The following DAB1 variants were observed in gnomAD, a reference collection of about 807,000 sequenced individuals.
DAB1 encodes DAB adaptor protein 1.
DAB1 carries 15 observed loss-of-function variants against 64.6 expected under a neutral mutation model. That is an observed-to-expected ratio of 0.23 (90% CI 0.16 to 0.36). The LOEUF is 0.36. Ranked by LOEUF, DAB1 falls within the 10% of genes least tolerant of loss-of-function variation. The pLI, the probability that DAB1 is intolerant of heterozygous loss-of-function variation, is 1.00. For missense variants in DAB1, 596 were observed against 706.7 expected, an observed-to-expected ratio of 0.84 and a Z score of 1.78; for synonymous variants, 235 against 251.9, an observed-to-expected ratio of 0.93 and a Z score of 0.64.
intron 1 of DAB1, among the ~76,000 whole-genome samples, chr1:57,325,241 A>G (rs1287090408): frequency 2.6e-5 from 4 of 152,170 alleles, no homozygotes. Context: ...CTCTGTACAC[A>G]TTTCTGAGCT....
At chr1:58,536,879 CAATT>C (rs1646526556) in intron 1 of DAB1, 6 of 569,614 alleles carry the variant, frequency 1.1e-5, no homozygotes, top group Non-Finnish European at 1.9e-5. Context: ...ATCGCTTTTC[CAATT>C]AATAAAATTC....
chr1:58,355,281 T>C (rs895789954), intron 3 of DAB1, among the ~76,000 whole-genome samples: 2 of 152,160 alleles, frequency 1.3e-5, no homozygotes, highest in African/African-American at 4.8e-5. Flanking sequence ...TGGCACAGCT[T>C]TGTTTCAGAG....
intron 1 of DAB1, chr1:57,876,326 T>C (rs1557531385): frequency 6.6e-6 from 1 of 152,046 alleles, no homozygotes; most frequent in East Asian, 1.9e-4. Context: ...CCCAGAAGGA[T>C]AAAAAAAGGA....
chr1:57,167,403 T>C (rs1344173925), intron 2 of DAB1, among the ~76,000 whole-genome samples: 7 of 152,166 alleles, frequency 4.6e-5, no homozygotes, highest in Non-Finnish European at 8.8e-5. Context: ...ACCCCTTGTA[T>C]GCTTCTACGA....
intron 3 of DAB1, among the ~76,000 whole-genome samples, chr1:58,479,048 C>T (rs1171614661): frequency 6.6e-6 from 1 of 152,070 alleles, no homozygotes; most frequent in Non-Finnish European, 1.5e-5. Flanking sequence ...TTTTCATATA[C>T]TATAAAGATA....
intron 1 of DAB1, among the ~76,000 whole-genome samples, chr1:57,331,584 A>G (rs768663443): frequency 1.3e-5 from 2 of 152,190 alleles, no homozygotes; most frequent in East Asian, 1.9e-4. Flanking sequence ...TTTGCCTTCT[A>G]TAGAGACTAG....
At chr1:57,326,525 G>A (rs948756181) in intron 1 of DAB1, among the ~76,000 whole-genome samples, 1 of 152,160 alleles carries the variant, frequency 6.6e-6, no homozygotes, top group Non-Finnish European at 1.5e-5. Context: ...CCAAGAGGAA[G>A]ACAGAGTAGG....
At chr1:57,270,789 C>T (rs1049592965) in intron 2 of DAB1, among the ~76,000 whole-genome samples, 5 of 152,188 alleles carry the variant, frequency 3.3e-5, no homozygotes, top group African/African-American at 1.2e-4. Flanking sequence ...TCCACCAATA[C>T]TCACTGAGCA....
chr1:58,125,945 G>T lies in DAB1; in HGVS notation n.387+24566C>A, dbSNP rs147610434. Among the ~76,000 whole-genome samples the T allele has an allele frequency of 2.5e-4, 38 of 152,178 alleles. 1 individual carries two copies. The East Asian group carries it at 7.2e-3, about 29-fold the overall frequency. ...AAACAACCTAAAATCTCTATGACAGGCCCCAGGAGGAAGGAGAAGGGGACA... is the reference window on the plus strand; with the variant it reads ...AAACAACCTAAAATCTCTATGACAGTCCCCAGGAGGAAGGAGAAGGGGACA... On this transcript the variant is annotated intron_variant and non_coding_transcript_variant, in intron 5 of 20. Transcript: ENST00000485760.
In DAB1 at chr1:57,456,485, T is replaced by A. The variant is rs566728776; in HGVS notation, n.626-165319A>T. On this transcript the variant is annotated intron_variant and non_coding_transcript_variant, in intron 7 of 20. Transcript: ENST00000485760. ...GCATAAAGTAAATTTAAAATAAAAA[T>A]GCTTGATAGATTTGCATTTATACTC... 5.9e-5 allele frequency among the ~76,000 whole-genome samples: 9 copies of A among 152,262 alleles called. No homozygotes were observed. The East Asian group carries it at 1.2e-3, about 20-fold the overall frequency.
chr1:57,710,952 G>T (rs938584831), intron 6 of DAB1, among the ~76,000 whole-genome samples: 1 of 152,128 alleles, frequency 6.6e-6, no homozygotes, highest in South Asian at 2.1e-4. Flanking sequence ...GGAGGCAGCT[G>T]CTCCAGTTGG....
At chr1:57,081,999 T>G (rs1324089669) in intron 4 of DAB1, among the ~76,000 whole-genome samples, 1 of 152,144 alleles carries the variant, frequency 6.6e-6, no homozygotes, top group Non-Finnish European at 1.5e-5. Context: ...AAATACATAC[T>G]CCTAGCACTG....
chr1:58,436,664 A>C (rs1175548784), intron 3 of DAB1, among the ~76,000 whole-genome samples: 1 of 152,240 alleles, frequency 6.6e-6, no homozygotes, highest in Non-Finnish European at 1.5e-5. Flanking sequence ...AAAAAGTAGA[A>C]ATACTAGGAA....
intron 1 of DAB1, chr1:58,538,895 T>G (rs1201666761): frequency 1.1e-6 from 1 of 872,884 alleles, no homozygotes. Context: ...TGGAAATTCC[T>G]AATAGCTCTT....
At chr1:57,771,339 T>C (rs1649552687) in intron 6 of DAB1, among the ~76,000 whole-genome samples, 1 of 152,122 alleles carries the variant, frequency 6.6e-6, no homozygotes, top group African/African-American at 2.4e-5. Context: ...TGAAATAGAA[T>C]AATTAGCAAC....
Position 57,354,396 on chromosome 1 carries a change from CTTTTT to C in DAB1, c.-136-63235_-136-63231del, listed in dbSNP as rs570859394. On this transcript the variant is annotated intron_variant, in intron 1 of 14. Coordinates refer to ENST00000371236, the MANE Select transcript of DAB1 (RefSeq NM_001365792.1). ...AAAGACTTTATGTGGGTTGACTTTT[CTTTTT>C]GTGATTCAATTTTGGAAATTGTTTA... is the stretch of plus-strand genomic sequence containing the variant. Among the ~76,000 whole-genome samples the C allele has an allele frequency of 1.3e-3, 196 of 152,104 alleles. 6 individuals carry two copies. In the South Asian group the frequency reaches 0.039, roughly 30 times the overall value.
intron 9 of DAB1, among the ~76,000 whole-genome samples, chr1:57,036,616 G>A (rs1647162366): frequency 7.2e-5 from 11 of 152,058 alleles, no homozygotes; most frequent in Admixed American, 7.2e-4. Context: ...TTATATTAAA[G>A]TCTTTTTTGT....
chr1:58,353,446 T>C (rs555596881), intron 3 of DAB1, among the ~76,000 whole-genome samples: 1 of 152,310 alleles, frequency 6.6e-6, no homozygotes, highest in East Asian at 1.9e-4. Context: ...AGGACATTAA[T>C]GCTTTACAGA....
Position 58,413,048 on chromosome 1 carries a change from G to A in DAB1, n.258-69645C>T, listed in dbSNP as rs1644686143. ...CATCTCTGAGAGTAATGATCTATTC[G>A]GCAAGCTGGCGATCGTCCCTGGACA... On this transcript the variant is annotated intron_variant and non_coding_transcript_variant, in intron 3 of 20. Transcript: ENST00000485760. Among the ~76,000 whole-genome samples the A allele has an allele frequency of 2.0e-5, 3 of 152,176 alleles. No individual in the cohort carries two copies. In the South Asian group the frequency reaches 6.2e-4, roughly 32 times the overall value.
Sources: gnomAD v4.1 joint callset for allele counts (sites outside exome capture counted in the v4.1 genomes callset) on GRCh38, gnomAD v4.1.1 for gene constraint, MANE v1.5 for transcripts, NCBI Gene and HGNC (gene_info 2026-07-23, HGNC 2026-07-21) for gene names.